Variants in PRSS23 observed in about 807,000 individuals in gnomAD.
The protein encoded by PRSS23 is protease, serine 23.
PRSS23 carries 25 observed loss-of-function variants against 34.7 expected under a neutral mutation model. The observed-to-expected ratio is 0.72, with a 90% CI of 0.53 to 1.01. The LOEUF (loss-of-function observed/expected upper bound fraction) is 1.01. Ranked by LOEUF, PRSS23 falls within the 50% of genes least tolerant of loss-of-function variation. PRSS23 has a pLI of 0.00. For synonymous variants in PRSS23, 176 were observed against 186.6 expected, an observed-to-expected ratio of 0.94 and a Z score of 0.46; for missense variants, 445 against 475.6, an observed-to-expected ratio of 0.94 and a Z score of 0.60.
chr11:86,951,221 A>G lies in PRSS23; in HGVS notation c.212A>G (p.His71Arg), dbSNP rs747068280. 3.7e-6 allele frequency: 6 copies of G among 1,613,852 alleles called. No homozygotes were observed. The highest frequency in any genetic ancestry group is 2.2e-5 in the East Asian group (1 of 44,890). The change falls in exon 3 of 3, where the codon CAC becomes CGC. Residue 71 changes from histidine to arginine, a missense_variant. Transcript: ENST00000533902. ...CTCTCTCTTTACCTTTCCAGAATTC[A>G]CCAATCTGTTGGAACACTTCTGCCA...
intron 2 of PRSS23, among the ~76,000 whole-genome samples, chr11:86,853,586 T>G (rs1407835766): frequency 6.6e-6 from 1 of 152,110 alleles, no homozygotes; most frequent in Non-Finnish European, 1.5e-5. Context: ...CTGAATAGTC[T>G]TCCATTGTAT....
intron 2 of PRSS23, among the ~76,000 whole-genome samples, chr11:86,928,191 T>A (rs1186579178): frequency 6.8e-6 from 1 of 147,012 alleles, no homozygotes; most frequent in Non-Finnish European, 1.5e-5. Context: ...ATTAAGCATA[T>A]GTATTACAAA....
intron 2 of PRSS23, among the ~76,000 whole-genome samples, chr11:86,860,700 G>A (rs1280079432): frequency 6.6e-6 from 1 of 151,934 alleles, no homozygotes; most frequent in Non-Finnish European, 1.5e-5. Flanking sequence ...ATATTCAGGA[G>A]GGACAGGATA....
rs148071763 is a variant in PRSS23 at position 86,913,356 on chromosome 11, G to A, written c.207-37860G>A. On this transcript the variant is annotated intron_variant, in intron 2 of 2. Coordinates refer to the PRSS23 transcript ENST00000533902. ...GTCCAAATGCTGGCTCTTGTCTAGCGTTTGTTTTTGGTTCTTCTCCATAGC... is the reference window on the plus strand; with the variant it reads ...GTCCAAATGCTGGCTCTTGTCTAGCATTTGTTTTTGGTTCTTCTCCATAGC... Among the ~76,000 whole-genome samples the A allele has an allele frequency of 3.0e-4, 44 of 147,028 alleles. No homozygotes were observed. The East Asian group carries it at 6.3e-3, about 21-fold the overall frequency.
At chr11:86,858,604 G>A (rs1471477303) in intron 2 of PRSS23, among the ~76,000 whole-genome samples, 2 of 151,782 alleles carry the variant, frequency 1.3e-5, no homozygotes, top group African/African-American at 4.8e-5. Context: ...TAAGATCCAG[G>A]GGGGAGAGGA....
At chr11:86,904,961 T>C (rs1389089415) in intron 2 of PRSS23, among the ~76,000 whole-genome samples, 2 of 152,214 alleles carry the variant, frequency 1.3e-5, no homozygotes, top group Non-Finnish European at 2.9e-5. Context: ...GAGGCTGAGA[T>C]GGGAAGATCC....
chr11:86,802,109 C>T (rs760222495), intron 1 of PRSS23, among the ~76,000 whole-genome samples: 1 of 152,186 alleles, frequency 6.6e-6, no homozygotes, highest in Non-Finnish European at 1.5e-5. Context: ...CAGGTTCTCC[C>T]AGTAACTCTT....
chr11:86,820,166 C>G (rs1948242630), intron 1 of PRSS23, among the ~76,000 whole-genome samples: 1 of 152,010 alleles, frequency 6.6e-6, no homozygotes, highest in Non-Finnish European at 1.5e-5. Flanking sequence ...TTAATGCTGC[C>G]TAGCTGGTTA....
chr11:86,833,856 C>T (rs915033874), intron 2 of PRSS23, among the ~76,000 whole-genome samples: 4 of 152,014 alleles, frequency 2.6e-5, no homozygotes, highest in East Asian at 1.9e-4. Context: ...GGAGGTTGGC[C>T]GACTGACCAC....
chr11:86,829,558 G>A (rs1948333404), intron 2 of PRSS23, among the ~76,000 whole-genome samples: 1 of 152,158 alleles, frequency 6.6e-6, no homozygotes, highest in Non-Finnish European at 1.5e-5. Context: ...GAGGAGGAGA[G>A]GTGCTCTGCT....
intron 2 of PRSS23, among the ~76,000 whole-genome samples, chr11:86,873,405 G>T (rs1424952095): frequency 6.6e-6 from 1 of 151,600 alleles, no homozygotes; most frequent in Non-Finnish European, 1.5e-5. Context: ...TGACTCTCCT[G>T]CCTCAGCCTC....
At chr11:86,940,633 G>A (rs1401431436) in intron 2 of PRSS23, among the ~76,000 whole-genome samples, 2 of 152,156 alleles carry the variant, frequency 1.3e-5, no homozygotes, top group East Asian at 1.9e-4. Flanking sequence ...GCTGAGCGCA[G>A]GAGAGAATAC....
At chr11:86,829,763 T>C (rs1367491197) in intron 2 of PRSS23, among the ~76,000 whole-genome samples, 1 of 152,244 alleles carries the variant, frequency 6.6e-6, no homozygotes, top group Non-Finnish European at 1.5e-5. Context: ...CTGCAGACCC[T>C]GTTTGCCTGG....
chr11:86,869,062 C>T (rs1948668574), intron 2 of PRSS23, among the ~76,000 whole-genome samples: 1 of 152,158 alleles, frequency 6.6e-6, no homozygotes, highest in Non-Finnish European at 1.5e-5. Flanking sequence ...ATCTGCCTGC[C>T]TCAGCCTCCC....
chr11:86,877,842 A>T (rs1948735050), intron 2 of PRSS23, among the ~76,000 whole-genome samples: 1 of 138,028 alleles, frequency 7.2e-6, no homozygotes, highest in Non-Finnish European at 1.5e-5. Flanking sequence ...TTTAGGATCA[A>T]CTTTTTCATT....
intron 2 of PRSS23, chr11:86,948,760 T>A (rs997581784): frequency 4.6e-5 from 7 of 152,398 alleles, no homozygotes; most frequent in African/African-American, 1.7e-4. Flanking sequence ...ACTCCATGCC[T>A]GGCTTTCTGC....
intron 1 of PRSS23, among the ~76,000 whole-genome samples, chr11:86,795,169 A>G (rs1947973374): frequency 6.6e-6 from 1 of 152,202 alleles, no homozygotes; most frequent in African/African-American, 2.4e-5. Context: ...TTCATTCAAC[A>G]ATTTTCAAAA....
intron 2 of PRSS23, among the ~76,000 whole-genome samples, chr11:86,917,353 G>A (rs941425781): frequency 1.3e-5 from 2 of 152,176 alleles, no homozygotes; most frequent in African/African-American, 2.4e-5. Context: ...TGGGCCTCTG[G>A]TGTAATATTT....
chr11:86,928,934 T>C (rs1207850955), intron 2 of PRSS23, among the ~76,000 whole-genome samples: 1 of 151,956 alleles, frequency 6.6e-6, no homozygotes, highest in Non-Finnish European at 1.5e-5. Context: ...GTCCAAATGT[T>C]CTGCAACACA....
Sources: gnomAD v4.1 joint callset for allele counts (sites outside exome capture counted in the v4.1 genomes callset) on GRCh38, gnomAD v4.1.1 for gene constraint, MANE v1.5 for transcripts, NCBI Gene and HGNC (gene_info 2026-07-23, HGNC 2026-07-21) for gene names.